Variants in TTC17 observed in about 807,000 individuals in gnomAD.
TTC17 encodes tetratricopeptide repeat domain 17.
TTC17 carries 58 observed loss-of-function variants against 143.8 expected under a neutral mutation model. The ratio of observed to expected loss-of-function variants is 0.40; its 90% CI spans 0.33 to 0.50. The LOEUF (loss-of-function observed/expected upper bound fraction) is 0.50. TTC17 is among the 20% of genes least tolerant of loss of function. TTC17 has a pLI of 0.49. For synonymous variants in TTC17, 501 were observed against 497.8 expected (o/e 1.01, Z -0.09); for missense variants, 1,273 against 1,392.5 (o/e 0.91, Z 1.37).
chr11:43,448,270 C>A, intron 19 of TTC17, 148 bp downstream of exon 19: 1 of 1,189,206 alleles, frequency 8.4e-7, no homozygotes, highest in African/African-American at 1.5e-5. Context: ...CCATGGCCCC[C>A]AGGTGGACCC....
chr11:43,384,720 C>CT (rs1328197530), intron 2 of TTC17, among the ~76,000 whole-genome samples: 4 of 152,170 alleles, frequency 2.6e-5, no homozygotes, highest in Non-Finnish European at 4.4e-5. Flanking sequence ...TTTCATTCTA[C>CT]TTCTCAGGGC....
intron 10 of TTC17, among the ~76,000 whole-genome samples, chr11:43,401,959 C>A (rs985988172): frequency 2.0e-5 from 3 of 150,902 alleles, no homozygotes; most frequent in African/African-American, 7.3e-5. Flanking sequence ...GCCTGGGCAA[C>A]AGAGCAAGAC....
chr11:43,466,212 CA>C (rs964907226), intron 21 of TTC17, among the ~76,000 whole-genome samples: 2 of 152,120 alleles, frequency 1.3e-5, no homozygotes, highest in African/African-American at 4.8e-5. Context: ...AAATGCAAAT[CA>C]AACCACAACG....
chr11:43,423,913 CATT>C (rs1946964418), intron 16 of TTC17, among the ~76,000 whole-genome samples: 1 of 151,960 alleles, frequency 6.6e-6, no homozygotes, highest in Non-Finnish European at 1.5e-5. Context: ...ACTAAAACAA[CATT>C]AATAAATTTT....
At chr11:43,375,535 A>T (rs1030798267) in intron 1 of TTC17, among the ~76,000 whole-genome samples, 1 of 152,134 alleles carries the variant, frequency 6.6e-6, no homozygotes, top group African/African-American at 2.4e-5. Context: ...AAGGGGAAAA[A>T]TTTTAAATGA....
chr11:43,493,180 G>C (rs1475870365), intron 23 of TTC17, among the ~76,000 whole-genome samples: 1 of 152,340 alleles, frequency 6.6e-6, no homozygotes, highest in East Asian at 1.9e-4. Flanking sequence ...CTTTTAGAGT[G>C]TAACTCTAAG....
intron 15 of TTC17, 97 bp from the exon 16 acceptor site, chr11:43,414,493 A>G (rs1946731766): frequency 7.9e-7 from 1 of 1,269,800 alleles, no homozygotes; most frequent in Admixed American, 2.3e-5. Flanking sequence ...TTTATGGGGT[A>G]ACCTAAAAAG....
chr11:43,364,047 C>CTTTTATT (rs1856230052), intron 1 of TTC17, among the ~76,000 whole-genome samples: 1 of 94,452 alleles, frequency 1.1e-5, no homozygotes, highest in Non-Finnish European at 2.1e-5. Flanking sequence ...TACAGATCCT[C>CTTTTATT]TTTTTTTTTT....
At chr11:43,383,482 G>C (rs560481184) in intron 2 of TTC17, among the ~76,000 whole-genome samples, 1 of 151,806 alleles carries the variant, frequency 6.6e-6, no homozygotes, top group Non-Finnish European at 1.5e-5. Context: ...CCTCCCGAGT[G>C]GCTAGGATTA....
intron 2 of TTC17, among the ~76,000 whole-genome samples, chr11:43,386,805 G>T (rs1031575921): frequency 1.3e-5 from 2 of 150,646 alleles, no homozygotes; most frequent in East Asian, 3.9e-4. Flanking sequence ...ATTCATTTTT[G>T]TGAGACAGGG....
intron 23 of TTC17, 103 bp downstream of exon 23, chr11:43,492,266 A>G: frequency 7.0e-7 from 1 of 1,435,512 alleles, no homozygotes; most frequent in Non-Finnish European, 9.3e-7. Flanking sequence ...AATTTCCTGT[A>G]AGCTTGTCTA....
intron 13 of TTC17, 96 bp from the exon 14 acceptor site, chr11:43,407,041 CT>C: frequency 6.4e-6 from 5 of 779,656 alleles, no homozygotes; most frequent in South Asian, 5.5e-5. Context: ...TTAGCTGTTC[CT>C]GAGGAGCTTA....
intron 15 of TTC17, among the ~76,000 whole-genome samples, chr11:43,410,708 C>T (rs1348979033): frequency 1.3e-5 from 2 of 152,284 alleles, no homozygotes; most frequent in Admixed American, 6.5e-5. Context: ...AAAGGGCGCT[C>T]TAGAACAAAA....
chr11:43,409,965 T>C (rs1185155107), intron 15 of TTC17, among the ~76,000 whole-genome samples: 2 of 151,864 alleles, frequency 1.3e-5, no homozygotes, highest in African/African-American at 4.8e-5. Flanking sequence ...CCTCAGACTC[T>C]GGAGTAGTTG....
chr11:43,397,575 AC>A (rs1398442974), intron 7 of TTC17, 84 bp downstream of exon 7: 4 of 1,312,036 alleles, frequency 3.0e-6, no homozygotes, highest in Middle Eastern at 2.1e-4. Flanking sequence ...GTAGAATGTT[AC>A]TTTTTTCCAT....
At position 43,393,951 on chromosome 11, in the gene TTC17, C is replaced by T. The variant is rs567447287; in HGVS notation, c.663+1999C>T. On this transcript the variant is annotated intron_variant, in intron 5 of 23. Coordinates refer to ENST00000039989, the MANE Select transcript of TTC17 (RefSeq NM_018259.6). ...GCCTTGCATATGGCTGCCTTCTCTC[C>T]GTGTCCTCACATGGCCTCATCTGTG... is the stretch of plus-strand genomic sequence containing the variant. Among the ~76,000 whole-genome samples the T allele has an allele frequency of 3.3e-5, 5 of 152,322 alleles. No individual in the cohort carries two copies. The South Asian group carries it at 6.2e-4, about 19-fold the overall frequency.
At chr11:43,435,095 A>G (rs1381918075) in intron 16 of TTC17, 1 of 151,754 alleles carries the variant, frequency 6.6e-6, no homozygotes, top group African/African-American at 2.4e-5. Flanking sequence ...AGATAGATAG[A>G]TAGATAGATA....
intron 16 of TTC17, among the ~76,000 whole-genome samples, chr11:43,417,189 A>G (rs1054206280): frequency 6.6e-6 from 1 of 152,184 alleles, no homozygotes; most frequent in African/African-American, 2.4e-5. Flanking sequence ...AAAACTTGAA[A>G]GAAGCCAAAC....
In TTC17 at chr11:43,388,812, G is replaced by GA. The variant is rs34105462; in HGVS notation, c.250-826dup. Among the ~76,000 whole-genome samples, 161 of 139,226 alleles carry GA rather than the reference G, an allele frequency of 1.2e-3. 1 individual carries two copies. The highest frequency in any genetic ancestry group is 1.4e-3 in the Admixed American group (19 of 13,810). 91.3% of individuals were successfully genotyped at this position (139,226 alleles called of 152,430 possible). The stretch of plus-strand genomic sequence containing the variant: ...AACATGGTAAAACCCCATCTGTATG[G>GA]AAAAAAAAAAAAAATTAGCCAGACA... On this transcript the variant is annotated intron_variant, in intron 2 of 23. Transcript: ENST00000039989.
Sources: gnomAD v4.1 joint callset for allele counts (sites outside exome capture counted in the v4.1 genomes callset) on GRCh38, gnomAD v4.1.1 for gene constraint, MANE v1.5 for transcripts, NCBI Gene and HGNC (gene_info 2026-07-23, HGNC 2026-07-21) for gene names.